Variants in MAF observed in about 807,000 individuals in gnomAD.
MAF encodes transcription factor Maf.
MAF carries 10 observed loss-of-function variants against 22.0 expected under a neutral mutation model. That is an observed-to-expected ratio of 0.45 (90% CI 0.28 to 0.77). MAF has a LOEUF of 0.77. Among genes scored for constraint, MAF ranks in the 30% least tolerant of loss-of-function variants. MAF has a pLI of 0.12. For missense variants in MAF, 544 were observed against 548.4 expected (o/e 0.99, Z 0.08); for synonymous variants, 337 against 255.8 (o/e 1.32, Z -3.03).
At chr16:79,208,349 A>C in the MAF span, among the ~76,000 whole-genome samples, 78 of 151,270 alleles carry the variant, frequency 5.2e-4, no homozygotes, top group Middle Eastern at 3.4e-3. Context: ...AACCATATAC[A>C]ACCTACAGGC....
chr16:79,392,058 AGAG>A, the MAF span, among the ~76,000 whole-genome samples: 3 of 149,990 alleles, frequency 2.0e-5, no homozygotes, highest in African/African-American at 4.9e-5. Context: ...GACAGAGAAG[AGAG>A]GAGAAGACAG....
the MAF span, among the ~76,000 whole-genome samples, chr16:79,256,240 G>T: frequency 1.3e-5 from 2 of 151,448 alleles, no homozygotes; most frequent in South Asian, 4.2e-4. Context: ...CGCCTGCCTC[G>T]GCCTCCCAGA....
chr16:79,396,920 C>A, the MAF span, among the ~76,000 whole-genome samples: 1 of 152,258 alleles, frequency 6.6e-6, no homozygotes, highest in Non-Finnish European at 1.5e-5. Context: ...ATGGCCCTAG[C>A]TCTGCAGTGG....
chr16:79,559,218 A>G, the MAF span, among the ~76,000 whole-genome samples: 1 of 152,108 alleles, frequency 6.6e-6, no homozygotes, highest in South Asian at 2.1e-4. Context: ...CCAGCAAATG[A>G]TGGTTTGTGC....
the MAF span, among the ~76,000 whole-genome samples, chr16:79,348,265 G>T: frequency 1.1e-4 from 16 of 152,298 alleles, no homozygotes; most frequent in African/African-American, 3.8e-4. Flanking sequence ...AGTGCAAGGC[G>T]GAGTAAATAA....
chr16:79,590,203 G>A (rs1567559609), downstream of MAF, among the ~76,000 whole-genome samples: 1 of 152,124 alleles, frequency 6.6e-6, no homozygotes, highest in Non-Finnish European at 1.5e-5. Flanking sequence ...GGGCCAGGTT[G>A]GCGGAGGGGG....
chr16:79,371,129 A>T, the MAF span, among the ~76,000 whole-genome samples: 7 of 148,478 alleles, frequency 4.7e-5, no homozygotes, highest in Admixed American at 6.7e-5. Flanking sequence ...ATTCATTCAC[A>T]TTTTTTTTTT....
At chr16:79,310,383 A>AAGAG in the MAF span, among the ~76,000 whole-genome samples, 2 of 151,866 alleles carry the variant, frequency 1.3e-5, no homozygotes, top group Non-Finnish European at 2.9e-5. Flanking sequence ...GACAGAGAGT[A>AAGAG]AGAGAGAGAG....
At chr16:79,302,944 A>C in the MAF span, among the ~76,000 whole-genome samples, 1 of 152,156 alleles carries the variant, frequency 6.6e-6, no homozygotes, top group Non-Finnish European at 1.5e-5. Flanking sequence ...GATGGGAGAC[A>C]CTCTCCAACA....
the MAF span, among the ~76,000 whole-genome samples, chr16:79,557,023 G>A: frequency 1.7e-3 from 261 of 150,254 alleles, 5 homozygotes; most frequent in African/African-American, 5.9e-3. Context: ...TTGCTATGTT[G>A]CCCAGGCTAC....
At chr16:79,208,835 G>T in the MAF span, among the ~76,000 whole-genome samples, 3 of 152,112 alleles carry the variant, frequency 2.0e-5, no homozygotes, top group Non-Finnish European at 2.9e-5. Context: ...CCATTGGTAC[G>T]GCTGAAAATT....
the MAF span, among the ~76,000 whole-genome samples, chr16:79,454,542 A>AT: frequency 6.6e-6 from 1 of 152,204 alleles, no homozygotes; most frequent in East Asian, 1.9e-4. Flanking sequence ...TCTTTAAGTG[A>AT]TGTCAAAGAA....
downstream of MAF, among the ~76,000 whole-genome samples, chr16:79,582,002 C>T (rs1912550344): frequency 6.6e-6 from 1 of 152,136 alleles, no homozygotes; most frequent in Admixed American, 6.5e-5. Flanking sequence ...TACTGTATTT[C>T]CTATAGATAC....
At chr16:79,357,466 T>G in the MAF span, among the ~76,000 whole-genome samples, 2 of 152,068 alleles carry the variant, frequency 1.3e-5, no homozygotes, top group Non-Finnish European at 2.9e-5. Flanking sequence ...AAATAAAAAC[T>G]AATATACTTT....
At chr16:79,548,641 G>A in the MAF span, among the ~76,000 whole-genome samples, 3 of 152,176 alleles carry the variant, frequency 2.0e-5, no homozygotes, top group Non-Finnish European at 4.4e-5. Flanking sequence ...TTTATTTTGT[G>A]GATGGATCCA....
At chr16:79,517,422 A>G in the MAF span, among the ~76,000 whole-genome samples, 1 of 152,324 alleles carries the variant, frequency 6.6e-6, no homozygotes, top group East Asian at 1.9e-4. Flanking sequence ...CTGCTTACCC[A>G]GAGTAACCTG....
At chr16:79,316,776 TG>T in the MAF span, among the ~76,000 whole-genome samples, 1 of 152,122 alleles carries the variant, frequency 6.6e-6, no homozygotes, top group Non-Finnish European at 1.5e-5. Context: ...AGGACACCCA[TG>T]GAAGGACCCA....
At chr16:79,456,176 C>T in the MAF span, among the ~76,000 whole-genome samples, 4 of 152,154 alleles carry the variant, frequency 2.6e-5, no homozygotes, top group Non-Finnish European at 5.9e-5. Context: ...TGCACAGCTG[C>T]ATCCACCCCG....
chr16:79,307,786 G>T, the MAF span, among the ~76,000 whole-genome samples: 10 of 152,064 alleles, frequency 6.6e-5, no homozygotes, highest in Admixed American at 5.9e-4. Context: ...AAATAATTAG[G>T]CCCTGGATTG....
Sources: allele counts gnomAD v4.1 joint callset (sites outside exome capture counted in the v4.1 genomes callset), GRCh38; gene constraint gnomAD v4.1.1; transcripts MANE v1.5; gene names NCBI Gene and HGNC (gene_info 2026-07-23, HGNC 2026-07-21).